KIAA1671: variants seen among roughly 807,000 people sequenced by gnomAD.
KIAA1671 encodes KIAA1671.
KIAA1671 carries 52 observed loss-of-function variants against 131.2 expected under a neutral mutation model. The ratio of observed to expected loss-of-function variants is 0.40; its 90% CI spans 0.32 to 0.50. The LOEUF (loss-of-function observed/expected upper bound fraction) is 0.50. KIAA1671 is among the 20% of genes least tolerant of loss of function. The pLI, the probability that KIAA1671 is intolerant of heterozygous loss-of-function variation, is 0.73. For synonymous variants in KIAA1671, 1,003 were observed against 961.6 expected, an observed-to-expected ratio of 1.04 and a Z score of -0.80; for missense variants, 2,360 against 2,364.2, an observed-to-expected ratio of 1.00 and a Z score of 0.04.
chr22:25,028,618 G>C lies in KIAA1671; in HGVS notation c.619G>C (p.Val207Leu). 1.3e-6 allele frequency: 2 copies of C among 1,550,524 alleles called. No homozygotes were observed. The highest frequency in any genetic ancestry group is 1.2e-5 in the South Asian group (1 of 84,044). ...APLSQDTKPPVPQEEAGQDHP... is the reference protein window; with the variant it reads ...APLSQDTKPPLPQEEAGQDHP... ...CCTGTCTCAGGACACAAAACCACCT[G>C]TACCCCAAGAGGAGGCAGGCCAAGA... The change falls in exon 3 of 13, where the codon GTA (valine) becomes CTA (leucine). Residue 207 changes from valine (V) to leucine (L), a missense_variant. Val to Leu is a conservative substitution (Grantham distance 32). Around this residue, in one of 3 missense-constraint regions of KIAA1671, gnomAD observed 1,185 missense variants for 1,126.2 expected, o/e 1.05. Transcript: ENST00000358431.
chr22:25,092,522 A>G (rs1930073493), intron 6 of KIAA1671, among the ~76,000 whole-genome samples: 1 of 152,096 alleles, frequency 6.6e-6, no homozygotes, highest in African/African-American at 2.4e-5. Flanking sequence ...ACCTCGTAGG[A>G]TGGAGAACTG....
At chr22:25,082,341 G>A (rs956740541) in intron 6 of KIAA1671, among the ~76,000 whole-genome samples, 5 of 152,166 alleles carry the variant, frequency 3.3e-5, no homozygotes, top group Non-Finnish European at 7.3e-5. Flanking sequence ...TAGGACAAGA[G>A]AAGATGGGCA....
At chr22:25,073,941 G>A (rs1351909432) in intron 6 of KIAA1671, among the ~76,000 whole-genome samples, 2 of 151,964 alleles carry the variant, frequency 1.3e-5, no homozygotes, top group African/African-American at 4.8e-5. Context: ...TGATCTGCCC[G>A]CCTGGGCCTC....
At chr22:25,003,120 A>G (rs1924563121) in intron 1 of KIAA1671, among the ~76,000 whole-genome samples, 1 of 152,092 alleles carries the variant, frequency 6.6e-6, no homozygotes, top group South Asian at 2.1e-4. Flanking sequence ...TTACAAACAC[A>G]TTCATTTATC....
At chr22:25,172,608 G>A (rs1386583355) in intron 7 of KIAA1671, among the ~76,000 whole-genome samples, 1 of 152,194 alleles carries the variant, frequency 6.6e-6, no homozygotes, top group Non-Finnish European at 1.5e-5. Flanking sequence ...CCTTTCTCAA[G>A]GCGAGGGTTT....
In KIAA1671 at chr22:25,179,318, C is replaced by T. The variant is rs1048809883; in HGVS notation, c.5074+1796C>T. On this transcript the variant is annotated intron_variant, in intron 9 of 12. Coordinates refer to ENST00000358431, the MANE Select transcript of KIAA1671 (RefSeq NM_001145206.2). ...CGCCCGTCCCGGGCCCTTAGCCCGA[C>T]ATCTCCTCTCGCTGCTCCTTGTTCC... 1.9e-6 allele frequency: 3 copies of T among 1,585,736 alleles called. No individual in the cohort carries two copies. The African/African-American group carries it at 4.0e-5, about 21-fold the overall frequency.
At chr22:25,179,515 G>A (rs1934188716) in intron 9 of KIAA1671, 2 of 1,608,584 alleles carry the variant, frequency 1.2e-6, no homozygotes, top group South Asian at 2.2e-5. Context: ...GCTCGTGCTC[G>A]CGCGGCTCCA....
At chr22:25,154,725 C>G (rs1933169785) in intron 6 of KIAA1671, among the ~76,000 whole-genome samples, 1 of 152,318 alleles carries the variant, frequency 6.6e-6, no homozygotes, top group Non-Finnish European at 1.5e-5. Flanking sequence ...GGTTGACAGC[C>G]TGAGGTTCCA....
intron 6 of KIAA1671, chr22:25,061,543 G>A (rs1275803729): frequency 1.3e-5 from 2 of 152,270 alleles, no homozygotes; most frequent in Non-Finnish European, 2.9e-5. Context: ...CCTGCTGAGT[G>A]CTTTTCTCAT....
At position 25,028,174 on chromosome 22, in the gene KIAA1671, C is replaced by T. The variant is rs1381783886; in HGVS notation, c.175C>T (p.Arg59Trp). 5.8e-6 allele frequency: 9 copies of T among 1,549,728 alleles called. No homozygotes were observed. The East Asian group carries it at 7.3e-5, about 13-fold the overall frequency. Residue 59 changes from arginine (R) to tryptophan (W), a missense_variant, in exon 3 of 13, where the codon CGG (arginine) becomes TGG (tryptophan). Physicochemically the swap from Arg to Trp is moderately radical, Grantham distance 101 (BLOSUM62 -3). This residue lies in a region of KIAA1671 where 1,185 missense variants were observed against 1,126.2 expected (regional missense o/e 1.05). Transcript: ENST00000358431. ...EAKSPLRSPA[R>W]LLPLPRLAPK... ...GAAGAGCCCCCTGCGGAGCCCGGCC[C>T]GGTTACTCCCTCTGCCAAGGCTCGC...
Position 25,028,108 on chromosome 22 carries a change from G to T in KIAA1671, c.109G>T (p.Gly37Cys). ...GACGAGGACCTACTTCCTCCAGGCC[G>T]GCGAAGCCTCTGGGGCTCCCCCAGC... is the stretch of plus-strand genomic sequence containing the variant. ...TLTRTYFLQA[G>C]EASGAPPARI... The change falls in exon 3 of 13, where the codon GGC (glycine) becomes TGC (cysteine). Residue 37 changes from glycine to cysteine, a missense_variant. Gly to Cys is a radical substitution (Grantham distance 159, BLOSUM62 -3). Coordinates refer to ENST00000358431, the MANE Select transcript of KIAA1671 (RefSeq NM_001145206.2). The T allele has an allele frequency of 2.6e-6, 4 of 1,551,262 alleles. 1 individual carries two copies. The highest frequency in any genetic ancestry group is 3.5e-6 in the Non-Finnish European group (4 of 1,146,782).
intron 6 of KIAA1671, among the ~76,000 whole-genome samples, chr22:25,074,721 C>G (rs1402615439): frequency 6.6e-6 from 1 of 152,076 alleles, no homozygotes; most frequent in African/African-American, 2.4e-5. Context: ...ATCTATCTGT[C>G]TGTCTGTCTG....
chr22:24,954,022 G>A (rs572041243), intron 1 of KIAA1671, among the ~76,000 whole-genome samples: 1 of 152,252 alleles, frequency 6.6e-6, no homozygotes, highest in African/African-American at 2.4e-5. Flanking sequence ...GGCTCTATAA[G>A]TATCAGTGCC....
At position 25,040,367 on chromosome 22, in the gene KIAA1671, A is replaced by T; in HGVS notation, c.3237A>T (p.Ala1079=). 2 of 1,551,904 alleles carry T rather than the reference A, an allele frequency of 1.3e-6. No individual in the cohort carries two copies. The highest frequency in any genetic ancestry group is 2.4e-5 in the East Asian group (1 of 40,920). Residue 1079 remains alanine, a synonymous_variant, in exon 5 of 13, where the codon GCA becomes GCT. Transcript: ENST00000358431. The stretch of plus-strand genomic sequence containing the variant: ...TGGTTTCTCTTGGTCATGAAGAGGC[A>T]TTGGAGATGGCAGGCAGTAAAAACT... The part of the protein sequence containing the change: ...STLVSLGHEE[A]LEMAGSKNWM...
intron 6 of KIAA1671, among the ~76,000 whole-genome samples, chr22:25,138,986 A>G (rs569365022): frequency 1.3e-5 from 2 of 152,196 alleles, no homozygotes; most frequent in Non-Finnish European, 2.9e-5. Context: ...AGGGAAAGGA[A>G]AAAACAACTT....
intron 9 of KIAA1671, among the ~76,000 whole-genome samples, chr22:25,177,759 C>A (rs1934091896): frequency 6.6e-6 from 1 of 152,096 alleles, no homozygotes. Context: ...AGTAGGCTTG[C>A]ACTATGAGAG....
At chr22:25,184,345 G>A (rs910611673) in intron 10 of KIAA1671, among the ~76,000 whole-genome samples, 1 of 152,188 alleles carries the variant, frequency 6.6e-6, no homozygotes, top group African/African-American at 2.4e-5. Context: ...CTTGAGCCTG[G>A]TAGAGCAAAA....
At chr22:25,164,127 C>T (rs998737039) in intron 6 of KIAA1671, among the ~76,000 whole-genome samples, 4 of 152,154 alleles carry the variant, frequency 2.6e-5, no homozygotes, top group African/African-American at 7.2e-5. Flanking sequence ...GGTTTTTAAA[C>T]CTGCCAAGTC....
intron 6 of KIAA1671, among the ~76,000 whole-genome samples, chr22:25,115,347 G>A (rs190513093): frequency 3.3e-5 from 5 of 152,274 alleles, no homozygotes; most frequent in Non-Finnish European, 5.9e-5. Flanking sequence ...ATGGGGTGCC[G>A]CACCAAGGAG....
Sources: gnomAD v4.1 joint callset for allele counts (sites outside exome capture counted in the v4.1 genomes callset) on GRCh38, gnomAD v4.1.1 for gene constraint, gnomAD v4.1.1 regional missense constraint, MANE v1.5 for transcripts, NCBI Gene and HGNC (gene_info 2026-07-23, HGNC 2026-07-21) for gene names.